GRXCR1: variants seen among roughly 807,000 people sequenced by gnomAD.
The protein encoded by GRXCR1 is glutaredoxin domain-containing cysteine-rich protein 1.
In GRXCR1, 27 loss-of-function variants were observed where a neutral mutation model predicts 27.3. The observed-to-expected ratio is 0.99, with a 90% CI of 0.73 to 1.37. The LOEUF (loss-of-function observed/expected upper bound fraction) is 1.37, where lower values mean the gene tolerates loss of function less well. GRXCR1 is among the 40% of genes most tolerant of loss of function. The pLI is 0.00. For missense variants in GRXCR1, 379 were observed against 354.4 expected, an observed-to-expected ratio of 1.07 and a Z score of -0.56; for synonymous variants, 122 against 131.1, an observed-to-expected ratio of 0.93 and a Z score of 0.47.
At chr4:42,980,248 ATCTT>A (rs1343192483) in intron 2 of GRXCR1, among the ~76,000 whole-genome samples, 2 of 143,470 alleles carry the variant, frequency 1.4e-5, no homozygotes, top group African/African-American at 4.9e-5. Context: ...TTTATTTGAG[ATCTT>A]TCTTCTTTGA....
intron 2 of GRXCR1, among the ~76,000 whole-genome samples, chr4:42,986,843 C>A (rs1711740646): frequency 6.6e-6 from 1 of 151,966 alleles, no homozygotes; most frequent in Non-Finnish European, 1.5e-5. Flanking sequence ...CCTTGTAGAG[C>A]CTCCAGGCTA....
intron 2 of GRXCR1, among the ~76,000 whole-genome samples, chr4:42,987,229 T>TAA (rs1362997341): frequency 2.2e-3 from 202 of 92,122 alleles, no homozygotes; most frequent in African/African-American, 7.8e-3. Flanking sequence ...ATATTATATA[T>TAA]TATATATATA....
chr4:42,945,526 G>A (rs1448859154), intron 1 of GRXCR1, among the ~76,000 whole-genome samples: 3 of 152,100 alleles, frequency 2.0e-5, no homozygotes, highest in Non-Finnish European at 4.4e-5. Context: ...TATTCTCACA[G>A]CTTTGAAAAT....
intron 1 of GRXCR1, among the ~76,000 whole-genome samples, chr4:42,926,495 T>C (rs74600054): frequency 3.2e-5 from 3 of 94,628 alleles, no homozygotes; most frequent in Non-Finnish European, 7.7e-5. Flanking sequence ...GGGAATACTG[T>C]TTTTTTTTTC....
At chr4:42,911,638 A>C (rs1235178554) in intron 1 of GRXCR1, among the ~76,000 whole-genome samples, 1 of 152,088 alleles carries the variant, frequency 6.6e-6, no homozygotes, top group African/African-American at 2.4e-5. Flanking sequence ...GATTTACAGC[A>C]GTGACTATGG....
At chr4:42,971,951 G>A (rs1045848298) in intron 2 of GRXCR1, among the ~76,000 whole-genome samples, 1 of 151,972 alleles carries the variant, frequency 6.6e-6, no homozygotes, top group Non-Finnish European at 1.5e-5. Flanking sequence ...CAGGCTGGAG[G>A]GCACTTACAC....
chr4:42,956,397 A>T (rs535999173), intron 1 of GRXCR1, among the ~76,000 whole-genome samples: 135 of 151,960 alleles, frequency 8.9e-4, no homozygotes, highest in African/African-American at 3.1e-3. Flanking sequence ...TTCTGGCCAG[A>T]TGCTTTGACA....
At chr4:42,964,669 C>T (rs1309663659) in intron 2 of GRXCR1, among the ~76,000 whole-genome samples, 1 of 152,056 alleles carries the variant, frequency 6.6e-6, no homozygotes, top group Non-Finnish European at 1.5e-5. Flanking sequence ...TCCCCAAACC[C>T]TTGCTCTTTG....
intron 1 of GRXCR1, among the ~76,000 whole-genome samples, chr4:42,927,106 C>A (rs1747173106): frequency 6.6e-6 from 1 of 151,954 alleles, no homozygotes; most frequent in African/African-American, 2.4e-5. Context: ...AATGGGACCT[C>A]TTAAAGAGCA....
intron 1 of GRXCR1, among the ~76,000 whole-genome samples, chr4:42,948,621 C>T (rs1747802939): frequency 6.6e-6 from 1 of 152,032 alleles, no homozygotes; most frequent in African/African-American, 2.4e-5. Flanking sequence ...CGCACCCTGC[C>T]GAAAGGTGTC....
chr4:42,929,076 A>T (rs796989835), intron 1 of GRXCR1, among the ~76,000 whole-genome samples: 78 of 152,126 alleles, frequency 5.1e-4, no homozygotes, highest in African/African-American at 1.9e-3. Flanking sequence ...TGGTTGCAAA[A>T]ATTGCACACC....
chr4:43,028,978 A>G (rs778620570), intron 3 of GRXCR1, among the ~76,000 whole-genome samples: 5 of 152,206 alleles, frequency 3.3e-5, no homozygotes, highest in Non-Finnish European at 5.9e-5. Flanking sequence ...CCATCTTGAT[A>G]TAATAGTCAA....
rs1376321864 is a variant in GRXCR1 at position 42,937,934 on chromosome 4, G to A, written c.385-24958G>A. On this transcript the variant is annotated intron_variant, in intron 1 of 3. Coordinates refer to ENST00000399770, the MANE Select transcript of GRXCR1 (RefSeq NM_001080476.3). ...TCTTTGAGTTATAAACATTTCAATT[G>A]AATTCTCTAAGTTATTGTAAAATGT... 2.0e-5 allele frequency among the ~76,000 whole-genome samples: 3 copies of A among 151,818 alleles called. No homozygotes were observed. In the East Asian group the frequency reaches 5.8e-4, roughly 29 times the overall value.
chr4:42,913,629 C>A (rs1309555676), intron 1 of GRXCR1, among the ~76,000 whole-genome samples: 2 of 152,152 alleles, frequency 1.3e-5, no homozygotes, highest in Admixed American at 6.5e-5. Context: ...TTCTGGGGAG[C>A]AATTCAAGCC....
At chr4:42,998,840 T>C (rs1712259395) in intron 2 of GRXCR1, among the ~76,000 whole-genome samples, 1 of 152,224 alleles carries the variant, frequency 6.6e-6, no homozygotes, top group Non-Finnish European at 1.5e-5. Context: ...ATTTTGTGTG[T>C]CAGAGATAAG....
At position 42,892,913 on chromosome 4, in the gene GRXCR1, G is replaced by T. The variant is rs2109733068; in HGVS notation, c.-354G>T. Among the ~76,000 whole-genome samples the T allele has an allele frequency of 2.6e-5, 4 of 152,166 alleles. No homozygotes were observed. The South Asian group carries it at 8.3e-4, about 32-fold the overall frequency. Reference sequence around the variant, plus strand: ...AGGTCCTTTTCAATGCCCACCATTGGCTTCAAAGTTCAAGCCTTTCATTTT... The same window carrying T: ...AGGTCCTTTTCAATGCCCACCATTGTCTTCAAAGTTCAAGCCTTTCATTTT... On this transcript the variant is annotated 5_prime_UTR_variant, in exon 1 of 4. Transcript: ENST00000399770.
chr4:42,973,589 C>A (rs1021695702), intron 2 of GRXCR1, among the ~76,000 whole-genome samples: 1 of 151,932 alleles, frequency 6.6e-6, no homozygotes, highest in African/African-American at 2.4e-5. Flanking sequence ...ACTCAGTTTT[C>A]TTTGACTCCA....
At chr4:43,010,499 A>G (rs191257652) in intron 2 of GRXCR1, among the ~76,000 whole-genome samples, 317 of 152,228 alleles carry the variant, frequency 2.1e-3, no homozygotes, top group Non-Finnish European at 3.5e-3. Flanking sequence ...ATACCTAACC[A>G]AATGGGAGGC....
chr4:42,896,444 G>A (rs1746348099), intron 1 of GRXCR1, among the ~76,000 whole-genome samples: 1 of 152,022 alleles, frequency 6.6e-6, no homozygotes, highest in African/African-American at 2.4e-5. Flanking sequence ...AAAGCAGAAG[G>A]CCACCTGGCT....
Sources: allele counts gnomAD v4.1 joint callset (sites outside exome capture counted in the v4.1 genomes callset), GRCh38; gene constraint gnomAD v4.1.1; transcripts MANE v1.5; gene names NCBI Gene and HGNC (gene_info 2026-07-23, HGNC 2026-07-21).